CCDC194: variants seen among roughly 807,000 people sequenced by gnomAD.
CCDC194 encodes coiled-coil domain-containing protein 194.
CCDC194 carries 8 observed loss-of-function variants against 4.9 expected under a neutral mutation model. The observed-to-expected ratio is 1.65, with a 90% confidence interval of 0.97 to 2.97. The LOEUF is 2.97. Among genes scored for constraint, CCDC194 ranks in the 30% most tolerant of loss-of-function variants. The pLI is 0.00. For synonymous variants in CCDC194, 13 were observed against 17.0 expected, an observed-to-expected ratio of 0.76 and a Z score of 0.58; for missense variants, 52 against 43.1, an observed-to-expected ratio of 1.21 and a Z score of -0.58.
At chr19:17,388,193 C>CTTTTTT (rs71162117), downstream of CCDC194, among the ~76,000 whole-genome samples, 1 of 92,096 alleles carries the variant, frequency 1.1e-5, no homozygotes, top group African/African-American at 4.5e-5. Context: ...TCTTTTTTTC[C>CTTTTTT]TTTTTTTTTT....
exon 1 of CCDC194, chr19:17,393,928 G>T: frequency 2.5e-6 from 1 of 396,896 alleles, no homozygotes; most frequent in Non-Finnish European, 4.4e-6. Flanking sequence ...CCTCCCGCTC[G>T]GCAGCCTCTG....
At position 17,390,670 on chromosome 19, in the gene CCDC194, G is replaced by T. The variant is rs1253109049; in HGVS notation, c.555-11C>A. The stretch of plus-strand genomic sequence containing the variant: ...GCTTCCAGGACGTTACTGCCGGGAA[G>T]GGGGAAGGGGGCTGTCAGCCTCTGG... On this transcript the variant is annotated splice_polypyrimidine_tract_variant and intron_variant, in intron 3 of 3. Coordinates refer to ENST00000636079, the Ensembl canonical transcript of CCDC194. This position sits in a 1 kb window ranked among gnomAD's most constrained non-coding sequence, Gnocchi z 5.5. 2.5e-6 allele frequency: 1 copy of T among 397,948 alleles called. No homozygotes were observed. The highest frequency in any genetic ancestry group is 1.3e-4 in the South Asian group (1 of 7,854). 24.7% of individuals were successfully genotyped at this position (397,948 alleles called of 1,614,324 possible).
At position 17,392,467 on chromosome 19, in the gene CCDC194, C is replaced by T. The variant is rs193175688; in HGVS notation, c.325-621G>A. On this transcript the variant is annotated intron_variant, in intron 1 of 3. Transcript: ENST00000636079. The stretch of plus-strand genomic sequence containing the variant: ...CAGCCTGGACAAAAGAGCATGACTC[C>T]GTCTCAGAACAAACAAACCCAGCAA... 1.2e-4 allele frequency among the ~76,000 whole-genome samples: 19 copies of T among 152,168 alleles called. No individual in the cohort carries two copies. The East Asian group carries it at 1.7e-3, about 14-fold the overall frequency.
intron 1 of CCDC194, chr19:17,392,311 T>TA (rs77753979): frequency 0.039 from 5,396 of 137,430 alleles, 118 homozygotes; most frequent in Middle Eastern, 0.058. Context: ...CATCTCTACT[T>TA]AAAAAAAAAA....
chr19:17,390,412 T>C (rs1599587133), downstream of CCDC194: 1 of 383,888 alleles, frequency 2.6e-6, no homozygotes, highest in Non-Finnish European at 4.6e-6. The surrounding 1 kb of genome is among the most constrained non-coding windows in gnomAD (Gnocchi z 5.5). Flanking sequence ...AAGCTGAGTG[T>C]CGCATCCAGC....
chr19:17,389,447 T>A (rs2074646509), downstream of CCDC194, among the ~76,000 whole-genome samples: 1 of 152,180 alleles, frequency 6.6e-6, no homozygotes, highest in Non-Finnish European at 1.5e-5. Flanking sequence ...TTCTCTTCCT[T>A]TTAGTTGTAG....
intron 1 of CCDC194, chr19:17,392,199 G>C (rs925346307): frequency 5.5e-6 from 1 of 181,138 alleles, no homozygotes; most frequent in African/African-American, 2.4e-5. Context: ...TTAGCCGGGC[G>C]TCGTGGCTCA....
At chr19:17,388,338 C>T (rs1296167337), downstream of CCDC194, among the ~76,000 whole-genome samples, 2 of 151,666 alleles carry the variant, frequency 1.3e-5, no homozygotes, top group Non-Finnish European at 2.9e-5. Flanking sequence ...TAGCTGGGAC[C>T]ACAGGTGCAT....
chr19:17,391,548 A>C (rs1051907590), intron 2 of CCDC194: 1 of 1,275,564 alleles, frequency 7.8e-7, no homozygotes, highest in Non-Finnish European at 1.1e-6. Flanking sequence ...GTTTACAAGG[A>C]GTTTGCATGT....
chr19:17,392,686 C>T (rs1349681727), intron 1 of CCDC194, among the ~76,000 whole-genome samples: 1 of 152,192 alleles, frequency 6.6e-6, no homozygotes, highest in Non-Finnish European at 1.5e-5. Context: ...AGTCCCTTCT[C>T]TTGGTCCAGG....
chr19:17,390,298 G>A (rs1235725060), downstream of CCDC194, among the ~76,000 whole-genome samples: 1 of 152,124 alleles, frequency 6.6e-6, no homozygotes, highest in East Asian at 1.9e-4. The surrounding 1 kb of genome is among the most constrained non-coding windows in gnomAD (Gnocchi z 5.5). Context: ...TGATCACTTG[G>A]GCCTCAGTTT....
At chr19:17,394,090 G>T in exon 1 of CCDC194, 1 of 391,858 alleles carries the variant, frequency 2.6e-6, no homozygotes, top group Non-Finnish European at 4.5e-6. Context: ...CCGCAGCCAG[G>T]AACACGGCCA....
chr19:17,389,692 G>A (rs899569056), downstream of CCDC194, among the ~76,000 whole-genome samples: 1 of 152,194 alleles, frequency 6.6e-6, no homozygotes, highest in African/African-American at 2.4e-5. Context: ...TGGGCTGGGA[G>A]CGGTGGCTCA....
chr19:17,394,004 C>T (rs2074664976), exon 1 of CCDC194: 3 of 391,576 alleles, frequency 7.7e-6, no homozygotes, highest in Non-Finnish European at 1.4e-5. Context: ...GGCATTGGCC[C>T]CTGGCTCCGG....
chr19:17,388,616 G>T (rs1292360971), downstream of CCDC194, among the ~76,000 whole-genome samples: 3 of 151,590 alleles, frequency 2.0e-5, no homozygotes, highest in African/African-American at 7.3e-5. Flanking sequence ...GCCCAGGCTG[G>T]TCTCAAACAC....
intron 1 of CCDC194, chr19:17,392,206 C>G (rs144557797): frequency 1.8e-3 from 308 of 175,294 alleles, no homozygotes; most frequent in African/African-American, 7.1e-3. Context: ...GGCGTCGTGG[C>G]TCACGCCTGT....
chr19:17,392,699 G>A (rs1317394251), intron 1 of CCDC194, among the ~76,000 whole-genome samples: 1 of 152,258 alleles, frequency 6.6e-6, no homozygotes, highest in South Asian at 2.1e-4. Flanking sequence ...GGTCCAGGGG[G>A]CAGAAAAGGG....
In CCDC194 at chr19:17,390,791, C is replaced by T. The variant is rs2074651290; in HGVS notation, c.555-132G>A. On this transcript the variant is annotated intron_variant, in intron 3 of 3. Coordinates refer to ENST00000636079, the Ensembl canonical transcript of CCDC194. The surrounding 1 kb of genome is among the most constrained non-coding windows in gnomAD (Gnocchi z 5.5). ...GATCCCCATCTCCCAGGGTTTCCCG[C>T]TCCCCAGGATCCGGCATCCGTTCTC... The T allele has an allele frequency of 5.1e-6, 2 of 393,754 alleles. No homozygotes were observed. Among genetic ancestry groups the T allele is most frequent in the Non-Finnish European group, 4.5e-6 (1 of 223,086 alleles). The allele number at this position is 393,754 out of a possible 1,614,324, so 24.4% of individuals were successfully genotyped here. A position where few individuals can be genotyped will look rare whatever the true frequency, so the allele number is the denominator to read the frequency against.
At chr19:17,388,687 G>A (rs1271947244), downstream of CCDC194, among the ~76,000 whole-genome samples, 2 of 151,300 alleles carry the variant, frequency 1.3e-5, no homozygotes, top group African/African-American at 4.9e-5. Flanking sequence ...ATTATTTGTA[G>A]AGACAGGGTC....
Sources: allele counts gnomAD v4.1 joint callset (sites outside exome capture counted in the v4.1 genomes callset), GRCh38; gene constraint gnomAD v4.1.1; non-coding constraint Gnocchi (gnomAD v3.1); transcripts MANE v1.5; gene names NCBI Gene and HGNC (gene_info 2026-07-23, HGNC 2026-07-21).